The following CIT variants were observed in gnomAD, a reference collection of about 807,000 sequenced individuals.
CIT encodes the protein citron Rho-interacting kinase.
Under a neutral mutation model 272.7 loss-of-function variants are expected in CIT, and 79 were observed. The observed-to-expected ratio is 0.29, with a 90% confidence interval of 0.24 to 0.35. The LOEUF (loss-of-function observed/expected upper bound fraction) is 0.35. Ranked by LOEUF, CIT falls within the 10% of genes least tolerant of loss-of-function variation. The probability of loss-of-function intolerance (pLI) is 1.00; values close to 1 mark genes in which losing one functional copy is unlikely to be tolerated. For synonymous variants in CIT, 948 were observed against 995.6 expected, an observed-to-expected ratio of 0.95 and a Z score of 0.90; for missense variants, 1,909 against 2,618.3, an observed-to-expected ratio of 0.73 and a Z score of 5.91.
intron 5 of CIT, among the ~76,000 whole-genome samples, chr12:119,849,799 C>T (rs2138243702): frequency 6.6e-6 from 1 of 152,042 alleles, no homozygotes; most frequent in African/African-American, 2.4e-5. Context: ...GATTGTCCTG[C>T]CTTAGCCACC....
chr12:119,767,308 A>G, intron 18 of CIT, 126 bp from the exon 19 acceptor site: 2 of 680,530 alleles, frequency 2.9e-6, no homozygotes, highest in Non-Finnish European at 4.9e-6. Context: ...GTCCTCCATT[A>G]CTAGCCTAAG....
In CIT at chr12:119,710,926, AAGG is replaced by A. The variant is rs1459178941; in HGVS notation, c.4855-309_4855-307del. ...CTGTAATAAGAAATAAGCTGAAGCTAAGGAGATTTCACCTGCGCAGGGTTAATA... is the reference window on the plus strand; with the variant it reads ...CTGTAATAAGAAATAAGCTGAAGCTAAGATTTCACCTGCGCAGGGTTAATA... On this transcript the variant is annotated intron_variant, in intron 37 of 47. Coordinates refer to ENST00000392521, the MANE Select transcript of CIT (RefSeq NM_001206999.2). This position sits in a 1 kb window ranked among gnomAD's most constrained non-coding sequence, Gnocchi z 5.6. 1 of 765,144 alleles carries A rather than the reference AAGG, an allele frequency of 1.3e-6. No individual in the cohort carries two copies. Among genetic ancestry groups the A allele is most frequent in the Non-Finnish European group, 2.0e-6 (1 of 496,772 alleles). The allele number at this position is 765,144 out of a possible 1,614,324, so 47.4% of individuals were successfully genotyped here. A position where few individuals can be genotyped will look rare whatever the true frequency, so the allele number is the denominator to read the frequency against.
intron 2 of CIT, among the ~76,000 whole-genome samples, chr12:119,873,842 C>A (rs1314848398): frequency 2.0e-5 from 3 of 151,344 alleles, no homozygotes; most frequent in Non-Finnish European, 4.4e-5. Flanking sequence ...TCCTACATAA[C>A]TACCTTCCCA....
intron 15 of CIT, among the ~76,000 whole-genome samples, chr12:119,776,042 G>A (rs1963716063): frequency 6.6e-6 from 1 of 152,160 alleles, no homozygotes; most frequent in African/African-American, 2.4e-5. Flanking sequence ...ATGCATGTAG[G>A]ACCAGCAACA....
intron 9 of CIT, among the ~76,000 whole-genome samples, chr12:119,810,707 A>G (rs1453660340): frequency 8.2e-5 from 1 of 12,202 alleles, no homozygotes; most frequent in Non-Finnish European, 1.3e-4. Flanking sequence ...ATCATCTCAG[A>G]AAAAAAAAAA....
At chr12:119,839,539 C>T (rs58330635) in intron 5 of CIT, among the ~76,000 whole-genome samples, 3 of 152,110 alleles carry the variant, frequency 2.0e-5, no homozygotes, top group East Asian at 3.9e-4. Context: ...AGAGTGGCCC[C>T]GATATTATTC....
chr12:119,790,299 C>T (rs1232166367), intron 10 of CIT, among the ~76,000 whole-genome samples: 1 of 152,092 alleles, frequency 6.6e-6, no homozygotes, highest in Non-Finnish European at 1.5e-5. Context: ...AAAAGTACCA[C>T]TTCATCAAGC....
intron 5 of CIT, among the ~76,000 whole-genome samples, chr12:119,841,244 G>C (rs1023741146): frequency 6.7e-6 from 1 of 148,410 alleles, no homozygotes; most frequent in Non-Finnish European, 1.5e-5. Flanking sequence ...GCACCATCTT[G>C]GCTCACTGCA....
At chr12:119,767,006 TGGCC>T (rs1206742418) in intron 19 of CIT, 77 bp downstream of exon 19, 1 of 972,444 alleles carries the variant, frequency 1.0e-6, no homozygotes, top group Non-Finnish European at 1.5e-6. Context: ...CAGCAAGAAA[TGGCC>T]ACAAGGGCCC....
chr12:119,798,809 G>A (rs554918183), intron 10 of CIT, among the ~76,000 whole-genome samples: 66 of 152,310 alleles, frequency 4.3e-4, no homozygotes, highest in African/African-American at 1.5e-3. Flanking sequence ...AACAAGAATT[G>A]TGAATTGGCA....
At chr12:119,731,200 T>C (rs1958417742) in intron 26 of CIT, among the ~76,000 whole-genome samples, 1 of 151,260 alleles carries the variant, frequency 6.6e-6, no homozygotes, top group Admixed American at 6.6e-5. Flanking sequence ...TGAGGCTGGG[T>C]GCAGTGGCTC....
intron 27 of CIT, 114 bp downstream of exon 27, chr12:119,730,381 C>A: frequency 8.2e-7 from 1 of 1,222,798 alleles, no homozygotes; most frequent in Non-Finnish European, 1.1e-6. Context: ...AGTGCATGAA[C>A]ATATGTTTAT....
In CIT at chr12:119,831,766, G is replaced by C. The variant is rs564214634; in HGVS notation, c.753+1005C>G. 2.0e-5 allele frequency among the ~76,000 whole-genome samples: 3 copies of C among 152,292 alleles called. No individual in the cohort carries two copies. The South Asian group carries it at 6.2e-4, about 32-fold the overall frequency. On this transcript the variant is annotated intron_variant, in intron 7 of 47. Transcript: ENST00000392521. Reference sequence around the variant, plus strand: ...CGCTTGCAGTCCCAGCTACTCGGGAGGCTGAGGCAGGAGAATGGCGTGAAC... The same window carrying C: ...CGCTTGCAGTCCCAGCTACTCGGGACGCTGAGGCAGGAGAATGGCGTGAAC...
At chr12:119,855,680 C>T (rs879465307) in intron 4 of CIT, among the ~76,000 whole-genome samples, 2 of 152,108 alleles carry the variant, frequency 1.3e-5, no homozygotes, top group South Asian at 2.1e-4. Context: ...AATGAATAGG[C>T]GGCTTTAGTT....
intron 26 of CIT, 100 bp from the exon 27 acceptor site, chr12:119,730,730 C>A: frequency 7.6e-7 from 1 of 1,309,828 alleles, no homozygotes; most frequent in Admixed American, 2.3e-5. Context: ...ACTAAACAGG[C>A]TGCAGGCCAG....
intron 1 of CIT, among the ~76,000 whole-genome samples, 199 bp downstream of exon 1, chr12:119,877,050 A>AC (rs1220512669): frequency 1.3e-5 from 2 of 151,986 alleles, no homozygotes; most frequent in African/African-American, 4.8e-5. Context: ...CACTCGGCTG[A>AC]CCCCTCGGCT....
intron 7 of CIT, among the ~76,000 whole-genome samples, chr12:119,827,094 G>A (rs976095968): frequency 6.6e-6 from 1 of 152,090 alleles, no homozygotes; most frequent in Non-Finnish European, 1.5e-5. Flanking sequence ...AAAGCAGTGT[G>A]ATATAATCAT....
chr12:119,787,842 G>A (rs1425182343), intron 10 of CIT, among the ~76,000 whole-genome samples: 1 of 151,756 alleles, frequency 6.6e-6, no homozygotes. Context: ...TTGTAAAATG[G>A]CCATAATTAC....
chr12:119,812,053 C>T (rs970463601), intron 9 of CIT, among the ~76,000 whole-genome samples: 3 of 150,232 alleles, frequency 2.0e-5, no homozygotes, highest in Non-Finnish European at 4.4e-5. Flanking sequence ...TCAAGGAATT[C>T]TCATGCTTCA....
Sources: gnomAD v4.1 joint callset for allele counts (sites outside exome capture counted in the v4.1 genomes callset) on GRCh38, gnomAD v4.1.1 for gene constraint, Gnocchi (gnomAD v3.1) non-coding constraint, MANE v1.5 for transcripts, NCBI Gene and HGNC (gene_info 2026-07-23, HGNC 2026-07-21) for gene names.